Variants in GALNTL6 observed in about 807,000 individuals in gnomAD.
GALNTL6 encodes the protein polypeptide N-acetylgalactosaminyltransferase like 6.
GALNTL6 carries 46 observed loss-of-function variants against 73.7 expected under a neutral mutation model. That is an observed-to-expected ratio of 0.62 (90% CI 0.49 to 0.80). GALNTL6 has a LOEUF of 0.80. Among genes scored for constraint, GALNTL6 ranks in the 30% least tolerant of loss-of-function variants. The probability of loss-of-function intolerance (pLI) is 0.00; values close to 1 mark genes in which losing one functional copy is unlikely to be tolerated. For synonymous variants in GALNTL6, 259 were observed against 263.7 expected, an observed-to-expected ratio of 0.98 and a Z score of 0.17; for missense variants, 604 against 755.0, an observed-to-expected ratio of 0.80 and a Z score of 2.34.
At chr4:172,384,245 T>G (rs1743383673) in intron 5 of GALNTL6, among the ~76,000 whole-genome samples, 1 of 152,116 alleles carries the variant, frequency 6.6e-6, no homozygotes, top group South Asian at 2.1e-4. Flanking sequence ...CTTTTCTTTG[T>G]GGGTAGTTTT....
chr4:171,974,722 G>A (rs1739669295), intron 2 of GALNTL6, among the ~76,000 whole-genome samples: 1 of 149,524 alleles, frequency 6.7e-6, no homozygotes, highest in Non-Finnish European at 1.5e-5. Context: ...TTTAAGCAAT[G>A]TAATTAATAA....
chr4:172,678,712 A>G (rs921884655), intron 5 of GALNTL6, among the ~76,000 whole-genome samples: 1 of 152,244 alleles, frequency 6.6e-6, no homozygotes, highest in African/African-American at 2.4e-5. Flanking sequence ...CTTTGTGGAC[A>G]TAGAAAAAGC....
At chr4:172,780,685 T>G (rs1739328796) in intron 5 of GALNTL6, among the ~76,000 whole-genome samples, 1 of 152,236 alleles carries the variant, frequency 6.6e-6, no homozygotes, top group Admixed American at 6.5e-5. Context: ...TTCATAACAG[T>G]AAAATGCCAC....
chr4:172,572,611 A>G (rs1382861760), intron 5 of GALNTL6, among the ~76,000 whole-genome samples: 1 of 152,120 alleles, frequency 6.6e-6, no homozygotes, highest in African/African-American at 2.4e-5. Context: ...CAGTCTCTTC[A>G]TTTATGTTGC....
At chr4:173,009,361 G>A in intron 11 of GALNTL6, 67 bp downstream of exon 11, 2 of 949,212 alleles carry the variant, frequency 2.1e-6, no homozygotes, top group Non-Finnish European at 3.5e-6. Context: ...ACAGAGGGAT[G>A]CAGCTGGAAC....
intron 5 of GALNTL6, among the ~76,000 whole-genome samples, chr4:172,696,432 C>G (rs1347039072): frequency 1.3e-5 from 2 of 151,994 alleles, no homozygotes; most frequent in African/African-American, 2.4e-5. Context: ...TTTTTTATTT[C>G]TTTCTACACA....
intron 9 of GALNTL6, among the ~76,000 whole-genome samples, chr4:172,940,651 A>G (rs1748869821): frequency 6.6e-6 from 1 of 151,802 alleles, no homozygotes. Context: ...GCAAGCCACC[A>G]CACCCGGCCA....
At chr4:172,280,398 T>C (rs1579327798) in intron 3 of GALNTL6, among the ~76,000 whole-genome samples, 1 of 152,142 alleles carries the variant, frequency 6.6e-6, no homozygotes, top group East Asian at 1.9e-4. Flanking sequence ...TAGGACTCTT[T>C]AGGATCTCCT....
At chr4:172,756,432 T>A (rs1737753948) in intron 5 of GALNTL6, among the ~76,000 whole-genome samples, 2 of 129,028 alleles carry the variant, frequency 1.6e-5, no homozygotes, top group East Asian at 3.9e-4. Flanking sequence ...TCATTTGAGG[T>A]CAGGAGTTTG....
intron 7 of GALNTL6, among the ~76,000 whole-genome samples, chr4:172,842,745 A>G (rs1438139039): frequency 6.6e-6 from 1 of 151,484 alleles, no homozygotes; most frequent in African/African-American, 2.4e-5. Context: ...AGGGTTTCTC[A>G]TATGTCATTT....
chr4:172,006,444 AT>A (rs1238357061), intron 2 of GALNTL6, among the ~76,000 whole-genome samples: 1 of 152,056 alleles, frequency 6.6e-6, no homozygotes, highest in African/African-American at 2.4e-5. Context: ...CCTAGGCAAC[AT>A]AGTGAGACCC....
chr4:172,366,546 C>G (rs982347120), intron 5 of GALNTL6, among the ~76,000 whole-genome samples: 4 of 152,032 alleles, frequency 2.6e-5, no homozygotes, highest in Non-Finnish European at 4.4e-5. Context: ...GAAAGGTCTC[C>G]TCAAATACAT....
intron 7 of GALNTL6, among the ~76,000 whole-genome samples, chr4:172,836,912 A>C (rs1255886847): frequency 2.6e-5 from 4 of 152,180 alleles, no homozygotes; most frequent in Non-Finnish European, 5.9e-5. Context: ...GTGCTTCAAT[A>C]ATTCATTAAA....
chr4:172,803,291 G>A (rs1740762880), intron 5 of GALNTL6, among the ~76,000 whole-genome samples: 1 of 152,202 alleles, frequency 6.6e-6, no homozygotes, highest in Non-Finnish European at 1.5e-5. Flanking sequence ...TACCACCTGA[G>A]CTCTGCCTCC....
At chr4:172,065,253 C>A (rs921272212) in intron 2 of GALNTL6, among the ~76,000 whole-genome samples, 1 of 152,062 alleles carries the variant, frequency 6.6e-6, no homozygotes, top group Non-Finnish European at 1.5e-5. Flanking sequence ...AACCTAGATC[C>A]CTCACATGCG....
chr4:172,480,752 C>A (rs1314366293), intron 5 of GALNTL6, among the ~76,000 whole-genome samples: 2 of 152,164 alleles, frequency 1.3e-5, no homozygotes, highest in East Asian at 1.9e-4. Flanking sequence ...GTGGATTAGG[C>A]AGGCAACTTG....
intron 2 of GALNTL6, among the ~76,000 whole-genome samples, chr4:171,919,044 GGAAGAA>G (rs1211951951): frequency 6.6e-6 from 1 of 152,076 alleles, no homozygotes; most frequent in Non-Finnish European, 1.5e-5. Flanking sequence ...TCAAGCAAGA[GGAAGAA>G]GCTCTAGATG....
At chr4:172,072,076 G>A (rs2110903669) in intron 2 of GALNTL6, among the ~76,000 whole-genome samples, 1 of 152,202 alleles carries the variant, frequency 6.6e-6, no homozygotes, top group African/African-American at 2.4e-5. Flanking sequence ...TAGATAAGGG[G>A]TTTCCTGGGC....
intron 5 of GALNTL6, among the ~76,000 whole-genome samples, chr4:172,533,160 C>T (rs1735224500): frequency 6.6e-6 from 1 of 151,524 alleles, no homozygotes; most frequent in Non-Finnish European, 1.5e-5. Context: ...TACAGGCACA[C>T]ACCACCATGC....
Sources: gnomAD v4.1 joint callset for allele counts (sites outside exome capture counted in the v4.1 genomes callset) on GRCh38, gnomAD v4.1.1 for gene constraint, MANE v1.5 for transcripts, NCBI Gene and HGNC (gene_info 2026-07-23, HGNC 2026-07-21) for gene names.